The following DIP2A variants were observed in gnomAD, a reference collection of about 807,000 sequenced individuals.
DIP2A encodes the protein disco-interacting protein 2 homolog A.
In DIP2A, 85 loss-of-function variants were observed where a neutral mutation model predicts 177.4. That is an observed-to-expected ratio of 0.48 (90% CI 0.40 to 0.57). DIP2A has a LOEUF of 0.57. Ranked by LOEUF, DIP2A falls within the 20% of genes least tolerant of loss-of-function variation. The probability of loss-of-function intolerance (pLI) is 0.00; values close to 1 mark genes in which losing one functional copy is unlikely to be tolerated. For synonymous variants in DIP2A, 886 were observed against 881.8 expected (o/e 1.00, Z -0.08); for missense variants, 1,791 against 2,100.2 (o/e 0.85, Z 2.88).
At chr21:46,561,496 T>G (rs2060660569) in intron 33 of DIP2A, 1 of 568,024 alleles carries the variant, frequency 1.8e-6, no homozygotes, top group Non-Finnish European at 3.2e-6. Context: ...AGGGAGGACC[T>G]AAACGAAATG....
chr21:46,544,431 A>C (rs1181265092), intron 18 of DIP2A, among the ~76,000 whole-genome samples: 1 of 152,184 alleles, frequency 6.6e-6, no homozygotes, highest in Non-Finnish European at 1.5e-5. Flanking sequence ...GCTGCAAGAC[A>C]GGTAGATCTC....
At chr21:46,509,497 C>T in intron 7 of DIP2A, 121 bp downstream of exon 7, 2 of 1,242,658 alleles carry the variant, frequency 1.6e-6, no homozygotes, top group Non-Finnish European at 2.1e-6. Flanking sequence ...TTTCCAGACT[C>T]AGTGGTCACT....
chr21:46,552,575 C>G (rs1340812859), intron 25 of DIP2A, among the ~76,000 whole-genome samples: 1 of 152,144 alleles, frequency 6.6e-6, no homozygotes, highest in Non-Finnish European at 1.5e-5. Flanking sequence ...GCTTTGGTGT[C>G]GTAAAGAGTA....
At chr21:46,552,014 C>T in intron 25 of DIP2A, 110 bp downstream of exon 25, 1 of 1,301,654 alleles carries the variant, frequency 7.7e-7, no homozygotes, top group Non-Finnish European at 1.1e-6. Flanking sequence ...GTTTAGAGAA[C>T]AGGGTGCCTG....
At chr21:46,541,682 C>T (rs528392825) in intron 17 of DIP2A, 74 bp from the exon 18 acceptor site, 2 of 1,572,002 alleles carry the variant, frequency 1.3e-6, no homozygotes. Flanking sequence ...AATCATGCTG[C>T]AGGCAAGGTG....
chr21:46,547,510 T>C (rs2060099942), intron 21 of DIP2A, among the ~76,000 whole-genome samples: 1 of 152,158 alleles, frequency 6.6e-6, no homozygotes, highest in Admixed American at 6.5e-5. Context: ...ATAATAGACC[T>C]CTGGGCCTAT....
At chr21:46,528,527 C>CATTT (rs2059207496) in intron 8 of DIP2A, among the ~76,000 whole-genome samples, 4 of 29,378 alleles carry the variant, frequency 1.4e-4, no homozygotes, top group Admixed American at 5.3e-4. Context: ...TTTCTGCTTG[C>CATTT]TTTTTTTTTT....
the DIP2A span, among the ~76,000 whole-genome samples, chr21:46,578,790 A>G: frequency 6.6e-6 from 1 of 152,222 alleles, no homozygotes; most frequent in Admixed American, 6.5e-5. Context: ...CCAGCCTTGC[A>G]TCCCAGGGAT....
Position 46,458,902 on chromosome 21 carries a change from G to A in DIP2A, c.-230G>A, listed in dbSNP as rs193293674. The A allele has an allele frequency of 0.033, 7,588 of 229,306 alleles. 546 individuals carry two copies. Among genetic ancestry groups the A allele is most frequent in the African/African-American group, 0.16 (6,856 of 43,602 alleles). 14.2% of individuals were successfully genotyped at this position (229,306 alleles called of 1,614,324 possible). On this transcript the variant is annotated 5_prime_UTR_variant, in exon 1 of 38. Coordinates refer to ENST00000417564, the MANE Select transcript of DIP2A (RefSeq NM_015151.4). ...GCGCACGCGCTCCCGTGTAGGGCCG[G>A]CCGGGCGCTCAGGAGCGCGCGGGGC...
rs747188894 is a variant in DIP2A, at chr21:46,549,939, C to T, written c.2637+54C>T. ...GGTGAATCTCCCAAGCTGGCACCCCCACTCCACTCCAAGTGCCAAGTGGTT... is the reference window on the plus strand; with the variant it reads ...GGTGAATCTCCCAAGCTGGCACCCCTACTCCACTCCAAGTGCCAAGTGGTT... On this transcript the variant is annotated intron_variant, in intron 22 of 37. Coordinates refer to ENST00000417564, the MANE Select transcript of DIP2A (RefSeq NM_015151.4). The T allele has an allele frequency of 6.9e-6, 11 of 1,599,032 alleles. No individual in the cohort carries two copies. In the Admixed American group the frequency reaches 1.5e-4, roughly 22 times the overall value.
In DIP2A at chr21:46,545,978, G is replaced by A; in HGVS notation, c.2394+17G>A. ...ATCGGGCCTGTGAGTATGTCCTCCT[G>A]TACCAGCACTGGCAGTCAGAGAAGG... On this transcript the variant is annotated intron_variant, in intron 20 of 37. Coordinates refer to ENST00000417564, the MANE Select transcript of DIP2A (RefSeq NM_015151.4). 3 of 1,613,936 alleles carry A rather than the reference G, an allele frequency of 1.9e-6. No individual in the cohort carries two copies. The highest frequency in any genetic ancestry group is 2.5e-6 in the Non-Finnish European group (3 of 1,179,862).
At chr21:46,543,414 C>T (rs750257042) in intron 18 of DIP2A, among the ~76,000 whole-genome samples, 13 of 152,134 alleles carry the variant, frequency 8.5e-5, no homozygotes, top group East Asian at 1.9e-4. Context: ...CTCCCGTAGG[C>T]GTGCACGCAG....
chr21:46,533,909 G>C, intron 11 of DIP2A, 95 bp from the exon 12 acceptor site: 1 of 1,112,944 alleles, frequency 9.0e-7, no homozygotes, highest in Non-Finnish European at 1.3e-6. Flanking sequence ...TATTCGCTCA[G>C]TAGCTAGTGC....
At chr21:46,560,075 T>C (rs2060613850) in intron 32 of DIP2A, among the ~76,000 whole-genome samples, 1 of 152,254 alleles carries the variant, frequency 6.6e-6, no homozygotes, top group South Asian at 2.1e-4. Flanking sequence ...TAGCATTGCC[T>C]TGGGAGGAAG....
intron 6 of DIP2A, among the ~76,000 whole-genome samples, chr21:46,506,768 CTTTCTTTTCT>C (rs1555887519): frequency 1.6e-5 from 1 of 63,060 alleles, no homozygotes; most frequent in Admixed American, 1.6e-4. Flanking sequence ...TTCTTTCTTT[CTTTCTTTTCT>C]TTTCTTTCTT....
chr21:46,538,207 C>T (rs1369332476), intron 15 of DIP2A, among the ~76,000 whole-genome samples: 2 of 152,110 alleles, frequency 1.3e-5, no homozygotes, highest in Non-Finnish European at 1.5e-5. Context: ...AGGAAAAGAG[C>T]AATATGGAGC....
chr21:46,555,521 G>A, intron 28 of DIP2A: 1 of 204,580 alleles, frequency 4.9e-6, no homozygotes, highest in Non-Finnish European at 1.0e-5. Context: ...TGCTGAGCCT[G>A]TGTCCAGTTG....
At chr21:46,521,343 C>T (rs1187636765) in intron 8 of DIP2A, among the ~76,000 whole-genome samples, 1 of 152,166 alleles carries the variant, frequency 6.6e-6, no homozygotes, top group Non-Finnish European at 1.5e-5. Context: ...TGTGCACCAC[C>T]ATGCCTGGCT....
intron 21 of DIP2A, chr21:46,547,316 G>T: frequency 1.2e-6 from 1 of 828,118 alleles, no homozygotes; most frequent in East Asian, 5.2e-5. Context: ...ATCAGGGAGG[G>T]AAGAATTGAG....
Sources: allele counts gnomAD v4.1 joint callset (sites outside exome capture counted in the v4.1 genomes callset), GRCh38; gene constraint gnomAD v4.1.1; transcripts MANE v1.5; gene names NCBI Gene and HGNC (gene_info 2026-07-23, HGNC 2026-07-21).